The following FBXO4 variants were observed in gnomAD, a reference collection of about 807,000 sequenced individuals.
FBXO4 encodes F-box only protein 4.
Under a neutral mutation model 43.7 loss-of-function variants are expected in FBXO4, and 36 were observed. The ratio of observed to expected loss-of-function variants is 0.82; its 90% CI spans 0.63 to 1.09. FBXO4 has a LOEUF of 1.09. FBXO4 is among the 50% of genes least tolerant of loss of function. The pLI, the probability that FBXO4 is intolerant of heterozygous loss-of-function variation, is 0.00. For synonymous variants in FBXO4, 180 were observed against 165.6 expected (o/e 1.09, Z -0.67); for missense variants, 435 against 474.1 (o/e 0.92, Z 0.77).
chr5:42,009,364 AGTGTGTGTGTATGTGTGT>A, the FBXO4 span, among the ~76,000 whole-genome samples: 1 of 127,980 alleles, frequency 7.8e-6, no homozygotes, highest in East Asian at 2.5e-4. Flanking sequence ...TGGGAATTGG[AGTGTGTGTGTATGTGTGT>A]GTGTGTGTGT....
the FBXO4 span, among the ~76,000 whole-genome samples, chr5:41,989,642 T>C: frequency 6.6e-6 from 1 of 152,186 alleles, no homozygotes; most frequent in Non-Finnish European, 1.5e-5. Flanking sequence ...GTGCTCTATA[T>C]GCTTACTGTT....
At chr5:41,974,841 A>AT in the FBXO4 span, among the ~76,000 whole-genome samples, 1 of 151,798 alleles carries the variant, frequency 6.6e-6, no homozygotes, top group Admixed American at 6.6e-5. Context: ...ATTCCTCATC[A>AT]TTTTTTGTTA....
intron 6 of FBXO4, among the ~76,000 whole-genome samples, 181 bp from the exon 7 acceptor site, chr5:41,941,011 G>A (rs1181704451): frequency 2.6e-5 from 4 of 152,168 alleles, no homozygotes; most frequent in African/African-American, 9.7e-5. Context: ...ATAGTTACAA[G>A]AGAGATGATC....
the FBXO4 span, among the ~76,000 whole-genome samples, chr5:41,991,178 A>G: frequency 6.6e-6 from 1 of 152,186 alleles, no homozygotes; most frequent in Non-Finnish European, 1.5e-5. Flanking sequence ...TCCCATGATG[A>G]TACCCTGGGA....
chr5:42,022,816 G>A, the FBXO4 span, among the ~76,000 whole-genome samples: 1 of 152,026 alleles, frequency 6.6e-6, no homozygotes, highest in Non-Finnish European at 1.5e-5. Context: ...CGTGTGCAGG[G>A]TATGAGAGTG....
chr5:41,962,113 G>C, the FBXO4 span, among the ~76,000 whole-genome samples: 1 of 152,064 alleles, frequency 6.6e-6, no homozygotes, highest in Admixed American at 6.6e-5. Context: ...TTTATTTGTA[G>C]GTGAATGAAG....
chr5:42,031,516 G>T, the FBXO4 span, among the ~76,000 whole-genome samples: 2 of 150,964 alleles, frequency 1.3e-5, no homozygotes, highest in South Asian at 4.2e-4. Flanking sequence ...GCTAAATGAC[G>T]AGTTAATGGG....
chr5:41,988,507 G>A, the FBXO4 span, among the ~76,000 whole-genome samples: 5 of 152,226 alleles, frequency 3.3e-5, no homozygotes, highest in African/African-American at 1.2e-4. Context: ...AAAGTGTTGG[G>A]GCCTTGATGA....
At chr5:41,972,755 A>C in the FBXO4 span, among the ~76,000 whole-genome samples, 1 of 152,104 alleles carries the variant, frequency 6.6e-6, no homozygotes, top group African/African-American at 2.4e-5. Context: ...GAGCTAGAAA[A>C]CCCAGAAATA....
the FBXO4 span, among the ~76,000 whole-genome samples, chr5:41,964,209 C>A: frequency 3.9e-5 from 6 of 152,066 alleles, no homozygotes; most frequent in Non-Finnish European, 4.4e-5. Context: ...TAAAATATTT[C>A]AGATTTTAGT....
chr5:41,930,670 C>CTTTT (rs555192662), intron 3 of FBXO4, among the ~76,000 whole-genome samples: 8 of 141,776 alleles, frequency 5.6e-5, no homozygotes, highest in South Asian at 2.2e-4. Flanking sequence ...TTCTTTCTTT[C>CTTTT]TTTTTTTTTT....
the FBXO4 span, among the ~76,000 whole-genome samples, chr5:42,028,607 T>G: frequency 6.6e-6 from 1 of 151,870 alleles, no homozygotes; most frequent in Admixed American, 6.6e-5. Context: ...TCTTCCTTTT[T>G]TCTTTCATTT....
At chr5:42,038,721 T>G in the FBXO4 span, among the ~76,000 whole-genome samples, 1 of 152,132 alleles carries the variant, frequency 6.6e-6, no homozygotes, top group Admixed American at 6.6e-5. Context: ...TCATTCTGAT[T>G]GTTATTTTTG....
chr5:41,962,544 T>C, the FBXO4 span, among the ~76,000 whole-genome samples: 1 of 152,184 alleles, frequency 6.6e-6, no homozygotes, highest in Non-Finnish European at 1.5e-5. Context: ...TTTTACTCAG[T>C]GTAAAGCCCA....
At chr5:41,997,263 A>G in the FBXO4 span, among the ~76,000 whole-genome samples, 5 of 152,242 alleles carry the variant, frequency 3.3e-5, no homozygotes, top group Non-Finnish European at 7.3e-5. Context: ...ATGATAATCC[A>G]TTGTCATTCT....
chr5:42,003,995 A>G, the FBXO4 span, among the ~76,000 whole-genome samples: 14,673 of 152,136 alleles, frequency 0.096, 1,060 homozygotes, highest in African/African-American at 0.2. Flanking sequence ...TCAATGATAG[A>G]CTGGATTAAG....
chr5:41,955,774 T>G, the FBXO4 span, among the ~76,000 whole-genome samples: 1 of 152,028 alleles, frequency 6.6e-6, no homozygotes, highest in Non-Finnish European at 1.5e-5. Context: ...TACCCAAGGA[T>G]GAAGAAAGAA....
chr5:42,019,555 G>T, the FBXO4 span, among the ~76,000 whole-genome samples: 21 of 152,092 alleles, frequency 1.4e-4, no homozygotes, highest in African/African-American at 5.1e-4. Flanking sequence ...GGGTGTGGTG[G>T]CACACGCCTG....
chr5:41,956,087 A>G, the FBXO4 span, among the ~76,000 whole-genome samples: 2 of 152,224 alleles, frequency 1.3e-5, no homozygotes, highest in African/African-American at 4.8e-5. Flanking sequence ...TCAGTTAAAA[A>G]TCACTGTCAT....
Sources: allele counts gnomAD v4.1 joint callset (sites outside exome capture counted in the v4.1 genomes callset), GRCh38; gene constraint gnomAD v4.1.1; transcripts MANE v1.5; gene names NCBI Gene and HGNC (gene_info 2026-07-23, HGNC 2026-07-21).